SLC10A7: variants seen among roughly 807,000 people sequenced by gnomAD.
SLC10A7 encodes the protein sodium/bile acid cotransporter 7.
SLC10A7 carries 29 observed loss-of-function variants against 43.2 expected under a neutral mutation model. The observed-to-expected ratio is 0.67, with a 90% CI of 0.50 to 0.92. The LOEUF is 0.92. SLC10A7 is among the 40% of genes least tolerant of loss of function. The pLI is 0.00. For synonymous variants in SLC10A7, 152 were observed against 144.8 expected, an observed-to-expected ratio of 1.05 and a Z score of -0.35; for missense variants, 295 against 403.2, an observed-to-expected ratio of 0.73 and a Z score of 2.30.
chr4:146,296,712 G>A (rs1269219912), intron 7 of SLC10A7, among the ~76,000 whole-genome samples: 1 of 152,140 alleles, frequency 6.6e-6, no homozygotes. Context: ...GTTGCATAGA[G>A]CTTTTCCATC....
chr4:146,360,871 G>A (rs1328898446), intron 5 of SLC10A7, among the ~76,000 whole-genome samples: 1 of 152,114 alleles, frequency 6.6e-6, no homozygotes, highest in Non-Finnish European at 1.5e-5. Context: ...GGTCTTCAGA[G>A]CTTAGGAGTC....
intron 5 of SLC10A7, among the ~76,000 whole-genome samples, chr4:146,402,749 C>T (rs923108166): frequency 1.3e-5 from 2 of 152,164 alleles, no homozygotes; most frequent in South Asian, 2.1e-4. Flanking sequence ...TGAAGACATT[C>T]CATTTTGGGG....
chr4:146,331,684 T>C (rs1190964678), intron 5 of SLC10A7, among the ~76,000 whole-genome samples: 1 of 152,192 alleles, frequency 6.6e-6, no homozygotes, highest in Non-Finnish European at 1.5e-5. Context: ...ACAACTCCCT[T>C]CTTCTGAACT....
intron 5 of SLC10A7, among the ~76,000 whole-genome samples, chr4:146,358,649 T>A (rs530245362): frequency 6.6e-6 from 1 of 152,194 alleles, no homozygotes; most frequent in African/African-American, 2.4e-5. Flanking sequence ...TTCTTTTACT[T>A]AGTATTATTA....
chr4:146,265,361 C>A (rs540568687), intron 10 of SLC10A7, among the ~76,000 whole-genome samples: 2 of 152,338 alleles, frequency 1.3e-5, no homozygotes, highest in South Asian at 4.1e-4. Context: ...TGGCTCAGGG[C>A]TGGCACTTTT....
intron 1 of SLC10A7, among the ~76,000 whole-genome samples, chr4:146,517,855 G>T (rs748277225): frequency 6.6e-6 from 1 of 152,100 alleles, no homozygotes; most frequent in Non-Finnish European, 1.5e-5. Context: ...AGAAACAAAA[G>T]CTTATAATCA....
intron 5 of SLC10A7, among the ~76,000 whole-genome samples, chr4:146,434,981 A>C (rs1268065447): frequency 2.0e-5 from 3 of 149,788 alleles, no homozygotes; most frequent in Admixed American, 1.4e-4. Flanking sequence ...TAAATCCAGG[A>C]ATTTTAAGCA....
intron 4 of SLC10A7, among the ~76,000 whole-genome samples, chr4:146,474,360 A>C (rs887948618): frequency 2.0e-5 from 3 of 152,152 alleles, no homozygotes; most frequent in African/African-American, 7.2e-5. Context: ...GAATTCTTAC[A>C]TTTTGACAAA....
intron 4 of SLC10A7, among the ~76,000 whole-genome samples, chr4:146,483,615 C>T (rs571407520): frequency 2.1e-4 from 32 of 151,890 alleles, no homozygotes; most frequent in Admixed American, 1.7e-3. Context: ...AAGTCCTTAC[C>T]TATCTCTAAT....
At chr4:146,416,811 C>A (rs1405136212) in intron 5 of SLC10A7, among the ~76,000 whole-genome samples, 2 of 152,134 alleles carry the variant, frequency 1.3e-5, no homozygotes, top group Non-Finnish European at 2.9e-5. Flanking sequence ...ATCTTCATTG[C>A]CTTTTCTGTT....
chr4:146,357,024 C>T (rs1735702203), intron 5 of SLC10A7, among the ~76,000 whole-genome samples: 1 of 152,112 alleles, frequency 6.6e-6, no homozygotes, highest in South Asian at 2.1e-4. Flanking sequence ...CTACCCAAAG[C>T]CTGTAAGTAA....
intron 5 of SLC10A7, among the ~76,000 whole-genome samples, chr4:146,393,191 C>CAAAAAAAAAAAAAAAA (rs765135958): frequency 2.4e-5 from 1 of 42,068 alleles, no homozygotes; most frequent in Non-Finnish European, 4.1e-5. Context: ...GGCCCTGTCT[C>CAAAAAAAAAAAAAAAA]AAAAAAAAAA....
chr4:146,404,401 TG>T (rs2149821176), intron 5 of SLC10A7, among the ~76,000 whole-genome samples: 1 of 152,096 alleles, frequency 6.6e-6, no homozygotes, highest in African/African-American at 2.4e-5. Flanking sequence ...ATTTTATAGA[TG>T]GAAAATATTT....
At chr4:146,350,592 C>A in intron 5 of SLC10A7, among the ~76,000 whole-genome samples, 1 of 139,620 alleles carries the variant, frequency 7.2e-6, no homozygotes, top group Non-Finnish European at 1.5e-5. Context: ...CACAGACAAA[C>A]AAAAAGACAG....
At chr4:146,464,075 T>C (rs1257572528) in intron 4 of SLC10A7, among the ~76,000 whole-genome samples, 1 of 151,996 alleles carries the variant, frequency 6.6e-6, no homozygotes, top group East Asian at 1.9e-4. Flanking sequence ...TCCTTCCGCC[T>C]TGGCCTCCCA....
rs190220909 is a variant in SLC10A7 at position 146,290,430 on chromosome 4, T to C, written c.773+2499A>G. On this transcript the variant is annotated intron_variant, in intron 9 of 11. Coordinates refer to ENST00000335472, the MANE Select transcript of SLC10A7 (RefSeq NM_001029998.6). ...AGAGTTAATTTAGGCTTCAGACAAA[T>C]TCGAAGTAAATCATTAGTAGATGAC... is the stretch of plus-strand genomic sequence containing the variant. 2.5e-3 allele frequency among the ~76,000 whole-genome samples: 385 copies of C among 151,228 alleles called. 2 individuals are homozygous for C. Among genetic ancestry groups the C allele is most frequent in the South Asian group, 4.2e-3 (20 of 4,778 alleles).
intron 9 of SLC10A7, among the ~76,000 whole-genome samples, chr4:146,289,706 G>A (rs75552606): frequency 1.1e-5 from 1 of 88,072 alleles, no homozygotes. Flanking sequence ...CTGATTATTA[G>A]TTTTTTTTTT....
At chr4:146,304,330 C>G (rs912725762) in intron 7 of SLC10A7, among the ~76,000 whole-genome samples, 2 of 151,604 alleles carry the variant, frequency 1.3e-5, no homozygotes, top group Non-Finnish European at 2.9e-5. Context: ...GTCATAAACA[C>G]GGAGACCTTA....
intron 4 of SLC10A7, among the ~76,000 whole-genome samples, chr4:146,453,593 C>A (rs1366130238): frequency 6.6e-6 from 1 of 151,916 alleles, no homozygotes; most frequent in Non-Finnish European, 1.5e-5. Flanking sequence ...AACTACAGCT[C>A]TCAGTCATTT....
Sources: allele counts gnomAD v4.1 joint callset (sites outside exome capture counted in the v4.1 genomes callset), GRCh38; gene constraint gnomAD v4.1.1; transcripts MANE v1.5; gene names NCBI Gene and HGNC (gene_info 2026-07-23, HGNC 2026-07-21).